CSTPP1: variants seen among roughly 807,000 people sequenced by gnomAD.
CSTPP1 encodes centriolar satellite-associated tubulin polyglutamylase complex regulator 1.
At chr11:47,069,155 C>G in the CSTPP1 span, among the ~76,000 whole-genome samples, 1 of 152,172 alleles carries the variant, frequency 6.6e-6, no homozygotes, top group Non-Finnish European at 1.5e-5. Context: ...CTGCAAATTT[C>G]TAAGCTTCTG....
chr11:47,096,715 A>C, the CSTPP1 span, among the ~76,000 whole-genome samples: 2 of 152,086 alleles, frequency 1.3e-5, no homozygotes, highest in Non-Finnish European at 2.9e-5. Context: ...GGTGATATTC[A>C]ATCTGATTTT....
chr11:46,971,024 T>A, the CSTPP1 span, among the ~76,000 whole-genome samples: 1 of 152,232 alleles, frequency 6.6e-6, no homozygotes, highest in African/African-American at 2.4e-5. Flanking sequence ...ATATGTATAG[T>A]GTCATTACAC....
chr11:47,091,013 CG>C, the CSTPP1 span, among the ~76,000 whole-genome samples: 2 of 137,966 alleles, frequency 1.4e-5, no homozygotes, highest in Non-Finnish European at 3.1e-5. Flanking sequence ...CACTCCAGCC[CG>C]GGCAACAGAG....
the CSTPP1 span, among the ~76,000 whole-genome samples, chr11:46,958,343 G>T: frequency 6.6e-6 from 1 of 151,944 alleles, no homozygotes; most frequent in Non-Finnish European, 1.5e-5. Context: ...TTACTTTATT[G>T]TAAGAATACA....
At chr11:47,163,787 T>G in the CSTPP1 span, among the ~76,000 whole-genome samples, 1 of 152,002 alleles carries the variant, frequency 6.6e-6, no homozygotes, top group African/African-American at 2.4e-5. Context: ...ATTACAGGCA[T>G]GCACCACACC....
At chr11:47,054,310 CAAAAAAAAAAAAA>C in the CSTPP1 span, among the ~76,000 whole-genome samples, 1 of 41,586 alleles carries the variant, frequency 2.4e-5, no homozygotes, top group Non-Finnish European at 5.0e-5. Context: ...TACTCCGTCT[CAAAAAAAAAAAAA>C]AAAAAAAAAA....
chr11:47,118,032 A>AC, the CSTPP1 span, among the ~76,000 whole-genome samples: 52 of 151,646 alleles, frequency 3.4e-4, no homozygotes, highest in East Asian at 9.7e-3. Context: ...GGTGCCTGCC[A>AC]CCACGCCCAG....
chr11:47,034,508 T>C, the CSTPP1 span, among the ~76,000 whole-genome samples: 12 of 150,926 alleles, frequency 8.0e-5, no homozygotes, highest in Non-Finnish European at 1.8e-4. Flanking sequence ...AAGCTTCTTT[T>C]TTTTTTTTTT....
At chr11:47,066,752 T>C in the CSTPP1 span, among the ~76,000 whole-genome samples, 101,829 of 152,032 alleles carry the variant, frequency 0.67, 34,630 homozygotes, top group African/African-American at 0.73. Flanking sequence ...TATTTGCAAA[T>C]ATCTATTCCC....
At chr11:47,159,785 A>T in the CSTPP1 span, 1 of 448,092 alleles carries the variant, frequency 2.2e-6, no homozygotes, top group Non-Finnish European at 4.5e-6. Flanking sequence ...GCGGCGGATC[A>T]CCTGAGGTCA....
chr11:46,980,965 T>A, the CSTPP1 span, among the ~76,000 whole-genome samples: 2 of 152,192 alleles, frequency 1.3e-5, 1 homozygote, highest in South Asian at 4.1e-4. Context: ...GCTGGTGGTG[T>A]GTAAATTGGA....
At chr11:47,147,346 C>T in the CSTPP1 span, among the ~76,000 whole-genome samples, 2 of 152,082 alleles carry the variant, frequency 1.3e-5, no homozygotes, top group Non-Finnish European at 2.9e-5. Flanking sequence ...CCAATGATGG[C>T]CTGGAGGAAC....
At chr11:47,141,944 A>C in the CSTPP1 span, among the ~76,000 whole-genome samples, 1 of 149,524 alleles carries the variant, frequency 6.7e-6, no homozygotes, top group South Asian at 2.1e-4. Context: ...AAAAAAAAAA[A>C]AAAAAAAAAA....
At chr11:47,148,349 C>T in the CSTPP1 span, among the ~76,000 whole-genome samples, 1 of 150,532 alleles carries the variant, frequency 6.6e-6, no homozygotes, top group African/African-American at 2.4e-5. Context: ...ACACCTTGAC[C>T]TGAGGACACC....
chr11:47,119,768 C>T, the CSTPP1 span, among the ~76,000 whole-genome samples: 2 of 151,934 alleles, frequency 1.3e-5, no homozygotes, highest in Non-Finnish European at 2.9e-5. Context: ...TGCACCACCA[C>T]GCCCAGCTAA....
the CSTPP1 span, among the ~76,000 whole-genome samples, chr11:47,037,699 G>A: frequency 8.0e-6 from 1 of 124,268 alleles, no homozygotes; most frequent in Admixed American, 8.7e-5. Context: ...GCACAGGGTT[G>A]GGGGTAAGGT....
At chr11:47,115,335 C>T in the CSTPP1 span, among the ~76,000 whole-genome samples, 1 of 152,148 alleles carries the variant, frequency 6.6e-6, no homozygotes, top group East Asian at 1.9e-4. Flanking sequence ...CAGGATGATG[C>T]TGGCCTCATA....
At chr11:47,092,036 C>T in the CSTPP1 span, among the ~76,000 whole-genome samples, 11 of 152,282 alleles carry the variant, frequency 7.2e-5, no homozygotes, top group South Asian at 2.1e-3. Flanking sequence ...ATACATATCC[C>T]ATATTACTGG....
the CSTPP1 span, among the ~76,000 whole-genome samples, chr11:47,091,943 C>A: frequency 6.6e-6 from 1 of 152,330 alleles, no homozygotes; most frequent in South Asian, 2.1e-4. Flanking sequence ...GGACTTCTGG[C>A]ATCCAGAACT....
Sources: allele counts gnomAD v4.1 joint callset (sites outside exome capture counted in the v4.1 genomes callset), GRCh38; gene constraint gnomAD v4.1.1; transcripts MANE v1.5; gene names NCBI Gene and HGNC (gene_info 2026-07-23, HGNC 2026-07-21).